Variants in WDR72 observed in about 807,000 individuals in gnomAD.
WDR72 encodes WD repeat-containing protein 72.
WDR72 carries 120 observed loss-of-function variants against 124.2 expected under a neutral mutation model. The ratio of observed to expected loss-of-function variants is 0.97; its 90% CI spans 0.83 to 1.12. The LOEUF (loss-of-function observed/expected upper bound fraction) is 1.12, where lower values mean the gene tolerates loss of function less well. Ranked by LOEUF, WDR72 falls within the 50% of genes most tolerant of loss-of-function variation. WDR72 has a pLI of 0.00. For missense variants in WDR72, 1,387 were observed against 1,278.8 expected (o/e 1.08, Z -1.29); for synonymous variants, 452 against 441.7 (o/e 1.02, Z -0.29).
At chr15:53,754,548 T>C (rs1435079879) in intron 1 of WDR72, among the ~76,000 whole-genome samples, 1 of 152,100 alleles carries the variant, frequency 6.6e-6, no homozygotes, top group Non-Finnish European at 1.5e-5. Context: ...TGTCCAGTGA[T>C]ATAAAGAAAT....
chr15:53,599,861 C>T (rs2012962299), intron 17 of WDR72, among the ~76,000 whole-genome samples: 1 of 152,136 alleles, frequency 6.6e-6, no homozygotes, highest in East Asian at 1.9e-4. Flanking sequence ...TTCACTTTAA[C>T]TGTTGATTTT....
intron 1 of WDR72, among the ~76,000 whole-genome samples, chr15:53,740,914 A>T (rs1383974022): frequency 2.0e-5 from 3 of 152,212 alleles, no homozygotes; most frequent in Non-Finnish European, 2.9e-5. Flanking sequence ...GAGATCATGC[A>T]CACAGTGTGG....
chr15:53,586,141 A>G (rs961143180), intron 18 of WDR72, among the ~76,000 whole-genome samples: 4 of 152,026 alleles, frequency 2.6e-5, no homozygotes, highest in African/African-American at 9.7e-5. Context: ...AGAGCACCTA[A>G]TAAAATATAT....
intron 11 of WDR72, among the ~76,000 whole-genome samples, chr15:53,703,180 C>T (rs566350418): frequency 5.0e-4 from 76 of 152,270 alleles, no homozygotes; most frequent in Admixed American, 1.1e-3. Context: ...TTCCAAAGTG[C>T]TGGGATTACA....
chr15:53,514,265 C>A lies in WDR72; in HGVS notation c.*3434G>T, dbSNP rs1891320426. ...GTGGAGAATAAAGGAGTCTATAACA[C>A]CGCTTTTATATAACTGAGCAATCAA... On this transcript the variant is annotated 3_prime_UTR_variant, in exon 20 of 20. Transcript: ENST00000360509. The A allele has an allele frequency of 6.6e-6, 1 of 152,050 alleles. No individual in the cohort carries two copies. The highest frequency in any genetic ancestry group is 6.6e-5 in the Admixed American group (1 of 15,252). The allele number at this position is 152,050 out of a possible 1,614,324, so 9.4% of individuals were successfully genotyped here. A position where few individuals can be genotyped will look rare whatever the true frequency, so the allele number is the denominator to read the frequency against.
At chr15:53,619,775 T>C (rs1359970331) in intron 14 of WDR72, among the ~76,000 whole-genome samples, 1 of 152,092 alleles carries the variant, frequency 6.6e-6, no homozygotes, top group African/African-American at 2.4e-5. Context: ...TGTCTGGAAT[T>C]GTGCTCTCGT....
chr15:53,610,192 T>C (rs2013479244), intron 16 of WDR72, among the ~76,000 whole-genome samples: 1 of 152,128 alleles, frequency 6.6e-6, no homozygotes. Context: ...GTCCTTTCTA[T>C]TTGCCTTAAT....
chr15:53,553,091 A>G (rs972282981), intron 18 of WDR72, among the ~76,000 whole-genome samples: 2 of 152,286 alleles, frequency 1.3e-5, no homozygotes, highest in Middle Eastern at 3.4e-3. Flanking sequence ...TCCCACAGCA[A>G]TGATTCAGAA....
intron 18 of WDR72, among the ~76,000 whole-genome samples, chr15:53,572,341 T>C (rs1383099388): frequency 1.3e-5 from 2 of 152,156 alleles, no homozygotes; most frequent in African/African-American, 4.8e-5. Flanking sequence ...TCTAGCAGTT[T>C]TAGAGTTTCA....
chr15:53,584,629 C>A (rs893218193), intron 18 of WDR72, among the ~76,000 whole-genome samples: 20 of 152,022 alleles, frequency 1.3e-4, no homozygotes, highest in African/African-American at 4.6e-4. Flanking sequence ...CTGCTTTGCA[C>A]TGAAAGTGTC....
intron 13 of WDR72, among the ~76,000 whole-genome samples, chr15:53,693,004 G>C (rs953130184): frequency 6.6e-6 from 1 of 152,040 alleles, no homozygotes; most frequent in East Asian, 1.9e-4. Context: ...ACATACTAGA[G>C]AGACTATTAC....
chr15:53,668,559 T>C (rs2015856855), intron 13 of WDR72, among the ~76,000 whole-genome samples: 1 of 152,084 alleles, frequency 6.6e-6, no homozygotes, highest in Non-Finnish European at 1.5e-5. Context: ...GCTGGTGAAA[T>C]GTTAACCTTT....
At chr15:53,525,514 G>A (rs987813904) in intron 18 of WDR72, among the ~76,000 whole-genome samples, 55 of 151,982 alleles carry the variant, frequency 3.6e-4, no homozygotes, top group African/African-American at 1.3e-3. Context: ...ATATTCAGAA[G>A]ATACTGTTCT....
intron 18 of WDR72, among the ~76,000 whole-genome samples, chr15:53,592,045 C>A (rs776983138): frequency 9.2e-5 from 14 of 151,968 alleles, no homozygotes; most frequent in Non-Finnish European, 1.6e-4. Context: ...AGTCATGACA[C>A]CACAGTCAGT....
Position 53,538,862 on chromosome 15 carries a change from G to A in WDR72, c.3149-15540C>T, listed in dbSNP as rs188919425. On this transcript the variant is annotated intron_variant, in intron 18 of 19. Coordinates refer to ENST00000360509, the MANE Select transcript of WDR72 (RefSeq NM_182758.4). Reference sequence around the variant, plus strand: ...TAACTGGATCAGAGATTTCATGACTGGTCTCAGTAAGTACATTTAGATATA... The same window carrying A: ...TAACTGGATCAGAGATTTCATGACTAGTCTCAGTAAGTACATTTAGATATA... Among the ~76,000 whole-genome samples the A allele has an allele frequency of 1.8e-4, 27 of 152,104 alleles. No individual in the cohort carries two copies. The East Asian group carries it at 5.2e-3, about 30-fold the overall frequency.
chr15:53,669,005 AGG>A, intron 13 of WDR72, among the ~76,000 whole-genome samples: 1 of 113,106 alleles, frequency 8.8e-6, no homozygotes, highest in Non-Finnish European at 2.1e-5. Flanking sequence ...GAGAAGGAGA[AGG>A]AGAAGGAGAA....
chr15:53,615,920 T>C lies in WDR72; in HGVS notation c.2286A>G (p.Glu762=). ...QGDNTIKFSE[E]NDGIKRQKKM... ...TCTTCTGCCTTTTAATGCCATCATT[T>C]TCTTCTGAGAATTTGATGGTATTAT... is the stretch of plus-strand genomic sequence containing the variant. Residue 762 remains glutamate (E), a synonymous_variant, in exon 15 of 20, where the codon GAA becomes GAG. Coordinates refer to ENST00000360509, the MANE Select transcript of WDR72 (RefSeq NM_182758.4). The C allele has an allele frequency of 6.2e-7, 1 of 1,613,524 alleles. No individual in the cohort carries two copies. Among genetic ancestry groups the C allele is most frequent in the Non-Finnish European group, 8.5e-7 (1 of 1,179,670 alleles).
At chr15:53,583,734 A>G (rs2012052694) in intron 18 of WDR72, among the ~76,000 whole-genome samples, 1 of 152,022 alleles carries the variant, frequency 6.6e-6, no homozygotes, top group African/African-American at 2.4e-5. Flanking sequence ...GGTATGTTAT[A>G]TAAAAAATAA....
intron 17 of WDR72, among the ~76,000 whole-genome samples, chr15:53,603,157 T>A (rs900063669): frequency 2.0e-5 from 3 of 151,968 alleles, no homozygotes; most frequent in Non-Finnish European, 4.4e-5. Flanking sequence ...GTATGCTTGA[T>A]CCCTGGGATG....
Sources: allele counts gnomAD v4.1 joint callset (sites outside exome capture counted in the v4.1 genomes callset), GRCh38; gene constraint gnomAD v4.1.1; transcripts MANE v1.5; gene names NCBI Gene and HGNC (gene_info 2026-07-23, HGNC 2026-07-21).